Variants in AHI1 observed in about 807,000 individuals in gnomAD.
AHI1 encodes Abelson helper integration site 1.
In AHI1, 123 loss-of-function variants were observed where a neutral mutation model predicts 149.3. That is an observed-to-expected ratio of 0.82 (90% CI 0.71 to 0.96). The LOEUF is 0.96. Among genes scored for constraint, AHI1 ranks in the 40% least tolerant of loss-of-function variants. The pLI is 0.00. For synonymous variants in AHI1, 475 were observed against 459.8 expected, an observed-to-expected ratio of 1.03 and a Z score of -0.42; for missense variants, 1,439 against 1,422.7, an observed-to-expected ratio of 1.01 and a Z score of -0.18.
intron 21 of AHI1, among the ~76,000 whole-genome samples, chr6:135,408,394 T>C (rs1049946541): frequency 1.3e-5 from 2 of 152,106 alleles, no homozygotes; most frequent in African/African-American, 4.8e-5. Flanking sequence ...TGGAACAGCA[T>C]GCATTATTTG....
intron 20 of AHI1, among the ~76,000 whole-genome samples, chr6:135,423,633 G>A (rs952250265): frequency 2.6e-5 from 4 of 152,016 alleles, no homozygotes; most frequent in Admixed American, 1.3e-4. Context: ...GAAGTACAAA[G>A]GACTAGAAAA....
At chr6:135,464,804 G>C (rs542565781) in intron 7 of AHI1, among the ~76,000 whole-genome samples, 3 of 152,298 alleles carry the variant, frequency 2.0e-5, no homozygotes, top group South Asian at 4.1e-4. Context: ...TCACTTGACA[G>C]ATCCTCCCCC....
At chr6:135,291,540 G>A (rs553319358) in intron 27 of AHI1, among the ~76,000 whole-genome samples, 4 of 152,150 alleles carry the variant, frequency 2.6e-5, no homozygotes, top group African/African-American at 7.2e-5. Flanking sequence ...GAGGCCTCAC[G>A]GGAAACCAAT....
At chr6:135,432,631 C>A (rs1374841712) in intron 16 of AHI1, among the ~76,000 whole-genome samples, 2 of 152,122 alleles carry the variant, frequency 1.3e-5, no homozygotes, top group Admixed American at 1.3e-4. Flanking sequence ...GGATTACAGG[C>A]ACGAACCACC....
At chr6:135,356,653 A>T in intron 24 of AHI1, among the ~76,000 whole-genome samples, 1 of 152,308 alleles carries the variant, frequency 6.6e-6, no homozygotes, top group South Asian at 2.1e-4. Flanking sequence ...AATTTTTCTT[A>T]ATTGCCATTC....
Position 135,433,271 on chromosome 6 carries a change from GA to G in AHI1, c.2037-16del. ...TTTTCCATATCCTGGAAAAGGATAA[GA>G]AGTTACATATTGCTTCTGAAAAGCA... On this transcript the variant is annotated splice_polypyrimidine_tract_variant and intron_variant, in intron 15 of 28. Transcript: ENST00000265602. 1 of 1,555,972 alleles carries G rather than the reference GA, an allele frequency of 6.4e-7. No individual in the cohort carries two copies. Among genetic ancestry groups the G allele is most frequent in the Non-Finnish European group, 8.8e-7 (1 of 1,131,508 alleles).
intron 15 of AHI1, among the ~76,000 whole-genome samples, chr6:135,434,921 A>C (rs1785180125): frequency 6.6e-6 from 1 of 152,162 alleles, no homozygotes; most frequent in African/African-American, 2.4e-5. Flanking sequence ...ATTTGAGAAA[A>C]ACACAGATTA....
chr6:135,440,913 C>A (rs986014393), intron 14 of AHI1, among the ~76,000 whole-genome samples: 5 of 151,882 alleles, frequency 3.3e-5, no homozygotes. Context: ...GTTTTCAATA[C>A]AAAATTATGA....
intron 13 of AHI1, among the ~76,000 whole-genome samples, chr6:135,445,785 G>T (rs893097341): frequency 1.3e-5 from 2 of 152,042 alleles, no homozygotes; most frequent in Non-Finnish European, 2.9e-5. Flanking sequence ...GGCCGGGCAC[G>T]GTGGCTCACG....
At chr6:135,462,049 C>A (rs545881319) in intron 8 of AHI1, among the ~76,000 whole-genome samples, 1 of 151,900 alleles carries the variant, frequency 6.6e-6, no homozygotes, top group Non-Finnish European at 1.5e-5. Context: ...TATGAGTATA[C>A]TGCTTAGTGC....
At chr6:135,406,616 C>T (rs923711598) in intron 21 of AHI1, among the ~76,000 whole-genome samples, 7 of 152,116 alleles carry the variant, frequency 4.6e-5, no homozygotes, top group South Asian at 2.1e-4. Flanking sequence ...TCAATATATA[C>T]GGTGGTATCT....
At chr6:135,456,566 A>T (rs1003767700) in intron 9 of AHI1, among the ~76,000 whole-genome samples, 6 of 151,912 alleles carry the variant, frequency 3.9e-5, no homozygotes, top group Non-Finnish European at 5.9e-5. Context: ...AAAAAGACAT[A>T]AAATTGATTT....
At chr6:135,342,410 T>A (rs990105270) in intron 24 of AHI1, among the ~76,000 whole-genome samples, 1 of 151,946 alleles carries the variant, frequency 6.6e-6, no homozygotes, top group Non-Finnish European at 1.5e-5. Flanking sequence ...ATTCATTCCA[T>A]GGGATCGGTA....
chr6:135,415,646 C>G (rs888252365), intron 20 of AHI1, among the ~76,000 whole-genome samples: 1 of 152,210 alleles, frequency 6.6e-6, no homozygotes, highest in Non-Finnish European at 1.5e-5. Flanking sequence ...TCCAGCCCTT[C>G]TGCTCCTAGA....
chr6:135,399,926 C>A (rs1321037023), intron 22 of AHI1, among the ~76,000 whole-genome samples: 2 of 151,836 alleles, frequency 1.3e-5, no homozygotes, highest in African/African-American at 4.8e-5. Context: ...CTTTTAGGTC[C>A]AGGGGTGCAT....
At chr6:135,472,190 A>G (rs1791857989) in intron 5 of AHI1, among the ~76,000 whole-genome samples, 1 of 152,118 alleles carries the variant, frequency 6.6e-6, no homozygotes, top group Non-Finnish European at 1.5e-5. Flanking sequence ...TTACACAGTC[A>G]ATGCCTTCCC....
rs2757651 is a variant in AHI1, at chr6:135,465,599, T to C, written c.749+215A>G. On this transcript the variant is annotated intron_variant, in intron 7 of 28. Transcript: ENST00000265602. Reference sequence around the variant, plus strand: ...AGATAGGAAGAATATTACTTTTCCTTATAAGATTGTCATAAGAAATAAATG... The same window carrying C: ...AGATAGGAAGAATATTACTTTTCCTCATAAGATTGTCATAAGAAATAAATG... Among the ~76,000 whole-genome samples, 149,170 of 152,318 alleles carry C rather than the reference T, an allele frequency of 0.98. 73,054 individuals are homozygous for C. The highest frequency in any genetic ancestry group is 1 in the East Asian group (5,170 of 5,172).
chr6:135,387,023 T>C (rs1777708489), intron 23 of AHI1, among the ~76,000 whole-genome samples: 1 of 152,108 alleles, frequency 6.6e-6, no homozygotes, highest in African/African-American at 2.4e-5. Context: ...GCTGGGACTA[T>C]AGGCACATGC....
chr6:135,432,376 G>A (rs1383942868), intron 16 of AHI1, among the ~76,000 whole-genome samples: 1 of 151,020 alleles, frequency 6.6e-6, no homozygotes, highest in African/African-American at 2.4e-5. Context: ...TTTTTGAGAT[G>A]GAGTCTCACT....
Sources: gnomAD v4.1 joint callset for allele counts (sites outside exome capture counted in the v4.1 genomes callset) on GRCh38, gnomAD v4.1.1 for gene constraint, MANE v1.5 for transcripts, NCBI Gene and HGNC (gene_info 2026-07-23, HGNC 2026-07-21) for gene names.